Variants in ANK3 observed in about 807,000 individuals in gnomAD.
ANK3 encodes the protein ankyrin 3, also known as ankyrin-3.
Under a neutral mutation model 370.9 loss-of-function variants are expected in ANK3, and 57 were observed. The observed-to-expected ratio is 0.15, with a 90% CI of 0.12 to 0.19. The LOEUF is 0.19. ANK3 is among the 10% of genes least tolerant of loss of function. The pLI, the probability that ANK3 is intolerant of heterozygous loss-of-function variation, is 1.00. For synonymous variants in ANK3, 1,929 were observed against 1,946.3 expected (o/e 0.99, Z 0.23); for missense variants, 4,439 against 5,302.1 (o/e 0.84, Z 5.06).
At chr10:60,105,207 ATT>A (rs35078297) in intron 28 of ANK3, among the ~76,000 whole-genome samples, 2 of 148,524 alleles carry the variant, frequency 1.3e-5, no homozygotes, top group African/African-American at 2.5e-5. Flanking sequence ...CTGTTCTCTA[ATT>A]TTTTTTTTTT....
chr10:60,208,495 A>G (rs970645615), intron 9 of ANK3, among the ~76,000 whole-genome samples: 5 of 152,198 alleles, frequency 3.3e-5, no homozygotes, highest in African/African-American at 1.2e-4. Flanking sequence ...AGCATGGGTC[A>G]TAACTTAGAG....
chr10:60,505,984 C>A (rs2075929276), intron 2 of ANK3, among the ~76,000 whole-genome samples: 1 of 152,046 alleles, frequency 6.6e-6, no homozygotes, highest in Non-Finnish European at 1.5e-5. Context: ...TCTGCAGCCA[C>A]CTGGATCAAG....
intron 2 of ANK3, among the ~76,000 whole-genome samples, chr10:60,474,347 A>T (rs2075001223): frequency 6.6e-6 from 1 of 152,084 alleles, no homozygotes. Context: ...AGAGATCTTT[A>T]TGGGATTCTA....
intron 1 of ANK3, among the ~76,000 whole-genome samples, chr10:60,336,215 T>C (rs1359906391): frequency 2.0e-4 from 31 of 151,912 alleles, no homozygotes. Flanking sequence ...GCATTGGAGG[T>C]CCTGGGGGCA....
At chr10:60,396,493 C>T (rs954830973) in intron 2 of ANK3, among the ~76,000 whole-genome samples, 24 of 152,174 alleles carry the variant, frequency 1.6e-4, no homozygotes, top group Non-Finnish European at 4.4e-5. Flanking sequence ...ACACTTATCT[C>T]TTAAACTATT....
intron 1 of ANK3, among the ~76,000 whole-genome samples, chr10:60,334,513 C>T (rs2052310864): frequency 6.6e-6 from 1 of 152,102 alleles, no homozygotes; most frequent in African/African-American, 2.4e-5. Context: ...AGCTGGAAGA[C>T]CCAGATGAGT....
At chr10:60,226,668 TATA>T (rs1398754815) in intron 8 of ANK3, among the ~76,000 whole-genome samples, 1 of 137,220 alleles carries the variant, frequency 7.3e-6, no homozygotes, top group Non-Finnish European at 1.5e-5. Flanking sequence ...TAAATTATAG[TATA>T]ATATAGTATA....
At chr10:60,133,424 A>G (rs958049940) in intron 25 of ANK3, among the ~76,000 whole-genome samples, 2 of 152,222 alleles carry the variant, frequency 1.3e-5, no homozygotes, top group African/African-American at 4.8e-5. Flanking sequence ...TATCTATTCA[A>G]CCACAATTAT....
intron 32 of ANK3, 132 bp downstream of exon 32, chr10:60,084,470 T>C (rs939397984): frequency 3.9e-6 from 2 of 517,886 alleles, no homozygotes; most frequent in Non-Finnish European, 6.5e-6. Context: ...TTAATCTATA[T>C]CAAATTTTTT....
At chr10:60,294,896 A>T (rs1566341604) in intron 1 of ANK3, among the ~76,000 whole-genome samples, 1 of 152,216 alleles carries the variant, frequency 6.6e-6, no homozygotes, top group East Asian at 1.9e-4. Flanking sequence ...TCTTTCTAGA[A>T]GTGCGAAGGA....
intron 1 of ANK3, among the ~76,000 whole-genome samples, chr10:60,640,201 C>T (rs1367426140): frequency 6.6e-6 from 1 of 151,260 alleles, no homozygotes; most frequent in South Asian, 2.1e-4. Context: ...CTGAATTCTA[C>T]GAGAGGTACA....
rs1180843389 is a variant in ANK3, at chr10:60,071,260, T to G, written c.9621A>C (p.Ser3207=). The change falls in exon 37 of 44, where the codon TCA becomes TCC. Residue 3207 remains serine (S), a synonymous_variant. Transcript: ENST00000280772. ...TTGACTTGGCCTGTTCCTCCTCCTC[T>G]GACTCCTCAGAAACCTCGGGAATTG... is the stretch of plus-strand genomic sequence containing the variant. The part of the protein sequence containing the change: ...PSPIPEVSEE[S]EEEEQAKSTS... 6 of 1,614,026 alleles carry G rather than the reference T, an allele frequency of 3.7e-6. No individual in the cohort carries two copies. Among genetic ancestry groups the G allele is most frequent in the African/African-American group, 2.7e-5 (2 of 74,930 alleles).
intron 1 of ANK3, among the ~76,000 whole-genome samples, chr10:60,307,745 C>A (rs2045462427): frequency 6.6e-6 from 1 of 152,104 alleles, no homozygotes. Flanking sequence ...CCAGAAGAGT[C>A]CACTTACCCA....
chr10:60,121,296 G>A (rs1338629730), intron 25 of ANK3, among the ~76,000 whole-genome samples: 4 of 150,740 alleles, frequency 2.7e-5, no homozygotes, highest in Non-Finnish European at 4.4e-5. Context: ...GAGATCGAAA[G>A]TAGAAAAATT....
At chr10:60,169,735 T>A (rs936098999) in intron 21 of ANK3, among the ~76,000 whole-genome samples, 5 of 152,234 alleles carry the variant, frequency 3.3e-5, no homozygotes, top group Non-Finnish European at 7.3e-5. Context: ...TACTTATGTA[T>A]AATAGTATGA....
intron 25 of ANK3, among the ~76,000 whole-genome samples, chr10:60,117,005 CTT>C (rs981467991): frequency 6.6e-6 from 1 of 152,130 alleles, no homozygotes; most frequent in African/African-American, 2.4e-5. Context: ...CTGTGTCAGA[CTT>C]TTAACAGCAA....
chr10:60,208,158 C>A lies in ANK3; in HGVS notation c.1072G>T (p.Val358Leu). Residue 358 changes from valine to leucine, a missense_variant, in exon 10 of 44, where the codon GTA becomes TTA. Transcript: ENST00000280772. Reference sequence around the variant, plus strand: ...TCATTGGTGACATCATCCACGGGTACATTATGCTGGAGGAGAAGCTGGACG... The same window carrying A: ...TCATTGGTGACATCATCCACGGGTAAATTATGCTGGAGGAGAAGCTGGACG... Reference protein sequence around the residue: ...NCVQLLLQHNVPVDDVTNDYL... With the variant: ...NCVQLLLQHNLPVDDVTNDYL... 1 of 1,614,154 alleles carries A rather than the reference C, an allele frequency of 6.2e-7. No individual in the cohort carries two copies. The highest frequency in any genetic ancestry group is 8.5e-7 in the Non-Finnish European group (1 of 1,179,996).
At chr10:60,379,972 T>C (rs1051749388) in intron 1 of ANK3, among the ~76,000 whole-genome samples, 1 of 152,034 alleles carries the variant, frequency 6.6e-6, no homozygotes, top group African/African-American at 2.4e-5. Flanking sequence ...CTCATGAATA[T>C]GTACATTTGT....
At chr10:60,111,896 T>C (rs2092739354) in intron 26 of ANK3, 1 of 403,468 alleles carries the variant, frequency 2.5e-6, no homozygotes, top group East Asian at 7.1e-5. Flanking sequence ...GCATCTGGCA[T>C]TTGTGGGACA....
Sources: gnomAD v4.1 joint callset for allele counts (sites outside exome capture counted in the v4.1 genomes callset) on GRCh38, gnomAD v4.1.1 for gene constraint, MANE v1.5 for transcripts, NCBI Gene and HGNC (gene_info 2026-07-23, HGNC 2026-07-21) for gene names.